Variants in LRRC4C observed in about 807,000 individuals in gnomAD.
LRRC4C encodes the protein leucine rich repeat containing 4C.
In LRRC4C, 5 loss-of-function variants were observed where a neutral mutation model predicts 33.6. The ratio of observed to expected loss-of-function variants is 0.15; its 90% CI spans 0.08 to 0.31. The LOEUF (loss-of-function observed/expected upper bound fraction) is 0.31, where lower values mean the gene tolerates loss of function less well. Ranked by LOEUF, LRRC4C falls within the 10% of genes least tolerant of loss-of-function variation. The probability of loss-of-function intolerance (pLI) is 1.00; values close to 1 mark genes in which losing one functional copy is unlikely to be tolerated. For missense variants in LRRC4C, 560 were observed against 796.7 expected (o/e 0.70, Z 3.58); for synonymous variants, 329 against 302.0 (o/e 1.09, Z -0.93).
intron 1 of LRRC4C, among the ~76,000 whole-genome samples, chr11:41,299,673 C>T (rs1393190059): frequency 2.0e-5 from 3 of 151,956 alleles, no homozygotes; most frequent in Non-Finnish European, 2.9e-5. Flanking sequence ...ATTATGCAGT[C>T]GGGCTGAATA....
chr11:41,382,419 A>C (rs1166405147), intron 1 of LRRC4C, among the ~76,000 whole-genome samples: 3 of 152,128 alleles, frequency 2.0e-5, no homozygotes, highest in African/African-American at 7.2e-5. Flanking sequence ...TACCTGCTTT[A>C]ATATAAACAG....
intron 2 of LRRC4C, among the ~76,000 whole-genome samples, chr11:40,873,817 A>G (rs777965254): frequency 3.3e-5 from 5 of 152,314 alleles, no homozygotes; most frequent in Non-Finnish European, 7.3e-5. Flanking sequence ...CTTCTTTGAC[A>G]TCGCATTTCG....
chr11:40,872,317 T>TA (rs34490125), intron 2 of LRRC4C, among the ~76,000 whole-genome samples: 96,508 of 146,276 alleles, frequency 0.66, 35,182 homozygotes, highest in East Asian at 0.99. Context: ...GGCTGAAAGT[T>TA]AAAAAAAAAA....
intron 1 of LRRC4C, among the ~76,000 whole-genome samples, chr11:41,192,328 G>GTGTC (rs1259383926): frequency 6.6e-6 from 1 of 150,772 alleles, no homozygotes; most frequent in Admixed American, 6.6e-5. Context: ...TTAAATGTGT[G>GTGTC]TGTGTGTGTG....
intron 3 of LRRC4C, among the ~76,000 whole-genome samples, chr11:40,502,184 T>C (rs1421540307): frequency 6.6e-6 from 1 of 152,192 alleles, no homozygotes; most frequent in Non-Finnish European, 1.5e-5. Flanking sequence ...TTATCAGCAT[T>C]TTGGTCAAAG....
intron 3 of LRRC4C, among the ~76,000 whole-genome samples, chr11:40,543,183 T>C (rs1230024779): frequency 6.7e-6 from 1 of 148,402 alleles, no homozygotes; most frequent in Non-Finnish European, 1.5e-5. Flanking sequence ...ATAAATCTTG[T>C]CCCATTATTT....
At chr11:40,495,076 T>C (rs1954360748) in intron 3 of LRRC4C, among the ~76,000 whole-genome samples, 1 of 152,166 alleles carries the variant, frequency 6.6e-6, no homozygotes, top group Non-Finnish European at 1.5e-5. Flanking sequence ...TCGATAAGTG[T>C]CCATTTTTAA....
chr11:40,282,801 T>A (rs1014791237), intron 4 of LRRC4C, among the ~76,000 whole-genome samples: 5 of 152,218 alleles, frequency 3.3e-5, no homozygotes, highest in Non-Finnish European at 2.9e-5. Flanking sequence ...AATAACCTTC[T>A]GTAGCATGGA....
chr11:41,432,866 G>A (rs970568782), intron 1 of LRRC4C, among the ~76,000 whole-genome samples: 2 of 152,132 alleles, frequency 1.3e-5, no homozygotes, highest in Admixed American at 1.3e-4. Context: ...ATCCCTCAAA[G>A]CACTTTATAG....
intron 6 of LRRC4C, among the ~76,000 whole-genome samples, chr11:40,117,540 T>A (rs971696268): frequency 1.3e-5 from 2 of 152,180 alleles, no homozygotes; most frequent in African/African-American, 4.8e-5. Flanking sequence ...ATCTCCTGCA[T>A]CTCTTGTGGC....
Position 40,905,961 on chromosome 11 carries a change from A to G in LRRC4C, c.-407+27674T>C, listed in dbSNP as rs1015601767. ...TCTATCAAACAGCATTGCATTCTAC[A>G]GAGAAATTTTTGTGAAAGTAAGACT... On this transcript the variant is annotated intron_variant, in intron 2 of 6. Coordinates refer to ENST00000528697, the MANE Select transcript of LRRC4C (RefSeq NM_001258419.2). 2.0e-5 allele frequency among the ~76,000 whole-genome samples: 3 copies of G among 152,212 alleles called. No individual in the cohort carries two copies. The South Asian group carries it at 6.2e-4, about 32-fold the overall frequency.
intron 2 of LRRC4C, among the ~76,000 whole-genome samples, chr11:40,738,254 G>A (rs575166855): frequency 5.9e-5 from 9 of 152,052 alleles, no homozygotes; most frequent in African/African-American, 1.9e-4. Flanking sequence ...GTAAGACCTA[G>A]CTCCTCTTTT....
intron 2 of LRRC4C, among the ~76,000 whole-genome samples, chr11:40,740,064 G>A (rs1948086463): frequency 2.0e-5 from 3 of 151,642 alleles, no homozygotes; most frequent in Admixed American, 2.0e-4. Context: ...CCATTTAACT[G>A]TTGCTGAACA....
chr11:40,473,034 G>T (rs370521157), intron 3 of LRRC4C, among the ~76,000 whole-genome samples: 1 of 152,128 alleles, frequency 6.6e-6, no homozygotes, highest in African/African-American at 2.4e-5. Flanking sequence ...ATACAAAGAG[G>T]AGCTGGTACC....
At chr11:40,743,313 T>C (rs1354684819) in intron 2 of LRRC4C, among the ~76,000 whole-genome samples, 2 of 152,062 alleles carry the variant, frequency 1.3e-5, no homozygotes, top group Non-Finnish European at 2.9e-5. Flanking sequence ...CTCCCCTCTG[T>C]ATTAGTTTTC....
rs187272070 is a variant in LRRC4C, at chr11:40,497,851, A to G, written c.-270+150291T>C. 4.4e-4 allele frequency among the ~76,000 whole-genome samples: 67 copies of G among 152,334 alleles called. No individual in the cohort carries two copies. The East Asian group carries it at 0.012, about 28-fold the overall frequency. On this transcript the variant is annotated intron_variant, in intron 3 of 6. Coordinates refer to ENST00000528697, the MANE Select transcript of LRRC4C (RefSeq NM_001258419.2). ...GGTCAGAAGTTAAGCACAAGTTCCC[A>G]GGACAAAGACCTCAGTTCTTATAAA...
rs553697764 is a variant in LRRC4C, at chr11:40,456,940, A to G, written c.-269-137219T>C. Among the ~76,000 whole-genome samples the G allele has an allele frequency of 3.9e-5, 6 of 151,956 alleles. No individual in the cohort carries two copies. The East Asian group carries it at 7.8e-4, about 20-fold the overall frequency. Reference sequence around the variant, plus strand: ...GAAGGGGAAAAAAAAGAAAACTTGAATGGCTTAAAATTCTTTAAAAATTAT... The same window carrying G: ...GAAGGGGAAAAAAAAGAAAACTTGAGTGGCTTAAAATTCTTTAAAAATTAT... On this transcript the variant is annotated intron_variant, in intron 3 of 6. Coordinates refer to ENST00000528697, the MANE Select transcript of LRRC4C (RefSeq NM_001258419.2).
intron 4 of LRRC4C, among the ~76,000 whole-genome samples, chr11:40,273,236 T>C (rs1023451742): frequency 3.3e-5 from 5 of 152,076 alleles, no homozygotes; most frequent in African/African-American, 9.7e-5. Flanking sequence ...TGGGGGAAGA[T>C]AGAGAACAAA....
At chr11:40,997,490 T>C (rs1268896585) in intron 1 of LRRC4C, among the ~76,000 whole-genome samples, 1 of 151,986 alleles carries the variant, frequency 6.6e-6, no homozygotes, top group Non-Finnish European at 1.5e-5. Context: ...TTCCAGAGGA[T>C]TAATAGGGAT....
Sources: allele counts gnomAD v4.1 joint callset (sites outside exome capture counted in the v4.1 genomes callset), GRCh38; gene constraint gnomAD v4.1.1; transcripts MANE v1.5; gene names NCBI Gene and HGNC (gene_info 2026-07-23, HGNC 2026-07-21).